Variants in USPL1 observed in about 807,000 individuals in gnomAD.
USPL1 encodes the protein ubiquitin specific peptidase like 1, also known as SUMO-specific isopeptidase USPL1.
A neutral mutation model predicts 51.5 loss-of-function variants in USPL1; 27 were observed. The observed-to-expected ratio is 0.52, with a 90% CI of 0.39 to 0.72. The LOEUF is 0.72. Among genes scored for constraint, USPL1 ranks in the 30% least tolerant of loss-of-function variants. USPL1 has a pLI of 0.00. For synonymous variants in USPL1, 451 were observed against 459.6 expected (o/e 0.98, Z 0.24); for missense variants, 1,226 against 1,268.0 (o/e 0.97, Z 0.50).
chr13:30,627,032 C>G (rs561393028), intron 3 of USPL1, among the ~76,000 whole-genome samples: 2 of 151,864 alleles, frequency 1.3e-5, no homozygotes, highest in East Asian at 3.9e-4. Flanking sequence ...GTATGTTTTC[C>G]TTTTTCCTAT....
chr13:30,627,116 T>C (rs1950727354), intron 3 of USPL1, among the ~76,000 whole-genome samples: 1 of 152,086 alleles, frequency 6.6e-6, no homozygotes, highest in South Asian at 2.1e-4. Context: ...TAGGTTTTTT[T>C]CAGCATTGGA....
rs773551169 is a variant in USPL1, at chr13:30,631,184, T to G, written c.578T>G (p.Val193Gly). Residue 193 changes from valine to glycine, a missense_variant, in exon 4 of 9, where the codon GTC (valine) becomes GGC (glycine). By Grantham distance (109) the Val-to-Gly change is moderately radical. Coordinates refer to ENST00000255304, the MANE Select transcript of USPL1 (RefSeq NM_005800.5). Reference sequence around the variant, plus strand: ...ACAAAAGATCCTGCTACAGTTGATGTCTCTGGAACTGGCAGACCTTCCCCT... The same window carrying G: ...ACAAAAGATCCTGCTACAGTTGATGGCTCTGGAACTGGCAGACCTTCCCCT... ...ATTKDPATVD[V>G]SGTGRPSPQN... 10 of 1,614,174 alleles carry G rather than the reference T, an allele frequency of 6.2e-6. No individual in the cohort carries two copies. In the South Asian group the frequency reaches 1.1e-4, roughly 18 times the overall value.
intron 4 of USPL1, among the ~76,000 whole-genome samples, chr13:30,635,888 A>G (rs567370679): frequency 6.6e-6 from 1 of 152,328 alleles, no homozygotes; most frequent in South Asian, 2.1e-4. Flanking sequence ...TGAATATTAA[A>G]GGTCTTGCTG....
In USPL1 at chr13:30,660,218, G is replaced by GA. The variant is rs1241729176; in HGVS notation, c.*866dup. The GA allele has an allele frequency of 1.3e-5, 2 of 152,298 alleles. No homozygotes were observed. The highest frequency in any genetic ancestry group is 3.9e-4 in the East Asian group (2 of 5,190). 9.4% of individuals were successfully genotyped at this position (152,298 alleles called of 1,614,324 possible). A position where few individuals can be genotyped will look rare whatever the true frequency, so the allele number is the denominator to read the frequency against. On this transcript the variant is annotated 3_prime_UTR_variant, in exon 9 of 9. Transcript: ENST00000255304. ...GAGGAAGTGCATACTTACTGGCCTGGAAAAGGCACCAGTTCCCACTCCTAC... is the reference window on the plus strand; with the variant it reads ...GAGGAAGTGCATACTTACTGGCCTGGAAAAAGGCACCAGTTCCCACTCCTAC...
chr13:30,640,734 T>C (rs1469708992), intron 5 of USPL1, among the ~76,000 whole-genome samples: 1 of 152,146 alleles, frequency 6.6e-6, no homozygotes, highest in African/African-American at 2.4e-5. Context: ...TGTTCAAAAG[T>C]AGCAGTGAGA....
rs911379832 is a variant in USPL1 at position 30,631,183 on chromosome 13, G to A, written c.577G>A (p.Val193Ile). 6.2e-6 allele frequency: 10 copies of A among 1,614,066 alleles called. No homozygotes were observed. The highest frequency in any genetic ancestry group is 1.7e-5 in the Admixed American group (1 of 60,004). ...ATTKDPATVD[V>I]SGTGRPSPQN... ...TACAAAAGATCCTGCTACAGTTGAT[G>A]TCTCTGGAACTGGCAGACCTTCCCC... Residue 193 changes from valine to isoleucine, a missense_variant, in exon 4 of 9, where the codon GTC becomes ATC. Physicochemically the swap from Val to Ile is conservative, Grantham distance 29 (BLOSUM62 3). Transcript: ENST00000255304.
chr13:30,628,043 ATTTTTTT>A (rs202119827), intron 3 of USPL1, among the ~76,000 whole-genome samples: 30 of 127,028 alleles, frequency 2.4e-4, no homozygotes, highest in Non-Finnish European at 3.5e-4. Context: ...TGCCTGGCTA[ATTTTTTT>A]TTTTTTTTTT....
rs1263384629 is a variant in USPL1, at chr13:30,660,612, T to G, written c.*1256T>G. On this transcript the variant is annotated 3_prime_UTR_variant, in exon 9 of 9. Coordinates refer to ENST00000255304, the MANE Select transcript of USPL1 (RefSeq NM_005800.5). ...GCCTTCTGTAAGAGCCTACGCCTGT[T>G]TGTTACACCGGTAGAGTGCTGTGGA... 1.3e-5 allele frequency: 2 copies of G among 152,290 alleles called. No individual in the cohort carries two copies. Among genetic ancestry groups the G allele is most frequent in the Non-Finnish European group, 2.9e-5 (2 of 68,058 alleles). The allele number at this position is 152,290 out of a possible 1,614,324, so 9.4% of individuals were successfully genotyped here. A position where few individuals can be genotyped will look rare whatever the true frequency, so the allele number is the denominator to read the frequency against.
Position 30,630,954 on chromosome 13 carries a change from ACTT to A in USPL1, c.352_354del (p.Leu119del), listed in dbSNP as rs769489793. The A allele has an allele frequency of 3.0e-5, 49 of 1,614,156 alleles. No individual in the cohort carries two copies. In the East Asian group the frequency reaches 5.6e-4, roughly 18 times the overall value. On this transcript the variant is annotated inframe_deletion, in exon 4 of 9. Transcript: ENST00000255304. ...GCTTAGAAAGCAGCTATAAGGATTC[ACTT>A]CTTTTAGCAAATTCCAAAAAGACTA...
intron 6 of USPL1, among the ~76,000 whole-genome samples, chr13:30,643,021 G>T (rs1013794434): frequency 2.0e-5 from 3 of 152,118 alleles, no homozygotes; most frequent in Non-Finnish European, 4.4e-5. Flanking sequence ...GAAACTGTAG[G>T]CATTTTTGTT....
chr13:30,641,251 TTAGG>T (rs1950943744), intron 5 of USPL1, among the ~76,000 whole-genome samples: 1 of 152,234 alleles, frequency 6.6e-6, no homozygotes, highest in Non-Finnish European at 1.5e-5. Flanking sequence ...TTGTTATTGC[TTAGG>T]TAATAACACC....
intron 3 of USPL1, among the ~76,000 whole-genome samples, chr13:30,623,952 A>C (rs1295557150): frequency 1.3e-5 from 2 of 152,196 alleles, no homozygotes; most frequent in South Asian, 2.1e-4. Context: ...AGGATAAACC[A>C]ATAAACATAA....
chr13:30,621,043 T>G, intron 1 of USPL1, 30 bp from the exon 2 acceptor site: 1 of 944,982 alleles, frequency 1.1e-6, no homozygotes, highest in Non-Finnish European at 1.6e-6. Context: ...AGAATTTTTA[T>G]TTAATTGTCT....
At chr13:30,651,228 CT>C (rs1951088532) in intron 7 of USPL1, among the ~76,000 whole-genome samples, 1 of 152,114 alleles carries the variant, frequency 6.6e-6, no homozygotes, top group East Asian at 1.9e-4. Context: ...CATATAATTG[CT>C]CTAGTTGTTG....
rs1046390877 is a variant in USPL1 at position 30,626,792 on chromosome 13, C to CT, written c.229-4032dup. Among the ~76,000 whole-genome samples, 535 of 146,908 alleles carry CT rather than the reference C, an allele frequency of 3.6e-3. 4 individuals are homozygous for CT. The Middle Eastern group carries it at 0.056, about 15-fold the overall frequency. Reference sequence around the variant, plus strand: ...GTTTTTAAACAGTAGGAAGTTTTAACTTTTTTTTTTTCGTGGAGTAGTCTA... The same window carrying CT: ...GTTTTTAAACAGTAGGAAGTTTTAACTTTTTTTTTTTTCGTGGAGTAGTCTA... On this transcript the variant is annotated intron_variant, in intron 3 of 8. Transcript: ENST00000255304.
At chr13:30,653,040 G>A (rs1446184090) in intron 7 of USPL1, 108 bp from the exon 8 acceptor site, 4 of 1,161,282 alleles carry the variant, frequency 3.4e-6, no homozygotes, top group Non-Finnish European at 4.8e-6. Flanking sequence ...AATTAGTGCA[G>A]TTAGCCTTGG....
rs563384575 is a variant in USPL1 at position 30,658,819 on chromosome 13, A to G, written c.2742A>G (p.Thr914=). 1 of 1,614,006 alleles carries G rather than the reference A, an allele frequency of 6.2e-7. No homozygotes were observed. Among genetic ancestry groups the G allele is most frequent in the South Asian group, 1.1e-5 (1 of 91,084 alleles). The change falls in exon 9 of 9, where the codon ACA becomes ACG. Residue 914 remains threonine (T), a synonymous_variant. Transcript: ENST00000255304. ...TTATGTCTTCCCCGCAAAGCAGAAC[A>G]GTTCGAAGTGAAAATCTAGAACAGG... The part of the protein sequence containing the change: ...AALMSSPQSR[T]VRSENLEQVP...
intron 3 of USPL1, among the ~76,000 whole-genome samples, chr13:30,630,235 A>G (rs1292713867): frequency 6.6e-6 from 1 of 152,170 alleles, no homozygotes; most frequent in Non-Finnish European, 1.5e-5. Flanking sequence ...AACTTAGGAA[A>G]GACCCACTGA....
rs770669868 is a variant in USPL1 at position 30,659,014 on chromosome 13, A to G, written c.2937A>G (p.Thr979=). Residue 979 remains threonine, a synonymous_variant, in exon 9 of 9, where the codon ACA becomes ACG. Coordinates refer to ENST00000255304, the MANE Select transcript of USPL1 (RefSeq NM_005800.5). Reference sequence around the variant, plus strand: ...TTTTAGCGGAATTATTGTCTCCTACACCTGTTTCAACAGAGCTGTCAGAAA... The same window carrying G: ...TTTTAGCGGAATTATTGTCTCCTACGCCTGTTTCAACAGAGCTGTCAGAAA... ...EEILAELLSP[T]PVSTELSENG... is the part of the protein sequence containing the mutation. 3 of 1,614,166 alleles carry G rather than the reference A, an allele frequency of 1.9e-6. No individual in the cohort carries two copies. Among genetic ancestry groups the G allele is most frequent in the South Asian group, 2.2e-5 (2 of 91,080 alleles).
Sources: allele counts gnomAD v4.1 joint callset (sites outside exome capture counted in the v4.1 genomes callset), GRCh38; gene constraint gnomAD v4.1.1; transcripts MANE v1.5; gene names NCBI Gene and HGNC (gene_info 2026-07-23, HGNC 2026-07-21).